SLC29A4: variants seen among roughly 807,000 people sequenced by gnomAD.
The protein encoded by SLC29A4 is equilibrative nucleoside transporter 4.
A neutral mutation model predicts 43.9 loss-of-function variants in SLC29A4; 36 were observed. The ratio of observed to expected loss-of-function variants is 0.82; its 90% CI spans 0.63 to 1.08. The LOEUF is 1.08. Ranked by LOEUF, SLC29A4 falls within the 50% of genes least tolerant of loss-of-function variation. The pLI, the probability that SLC29A4 is intolerant of heterozygous loss-of-function variation, is 0.00. For missense variants in SLC29A4, 869 were observed against 755.3 expected (o/e 1.15, Z -1.77); for synonymous variants, 491 against 338.0 (o/e 1.45, Z -4.97).
intron 4 of SLC29A4, among the ~76,000 whole-genome samples, 194 bp from the exon 5 acceptor site, chr7:5,291,499 C>T (rs1424719490): frequency 1.3e-5 from 2 of 152,258 alleles, no homozygotes; most frequent in Non-Finnish European, 2.9e-5. Flanking sequence ...CATCCAGCTT[C>T]AAGGCCCGGC....
At position 5,291,124 on chromosome 7, in the gene SLC29A4, G is replaced by A. The variant is rs1256190613; in HGVS notation, c.302G>A (p.Gly101Glu). Residue 101 changes from glycine to glutamate, a missense_variant and splice_region_variant, in exon 4 of 11, where the codon GGG becomes GAG. Gly to Glu is a moderately conservative substitution (Grantham distance 98). Transcript: ENST00000396872. ...DVDYLHHKYP[G>E]TSIVFDMSLT... ...ACCTGCTGTCTCTGGCCCTCTGCAGGGACCTCCATCGTGTTTGACATGAGC... is the reference window on the plus strand; with the variant it reads ...ACCTGCTGTCTCTGGCCCTCTGCAGAGACCTCCATCGTGTTTGACATGAGC... 6.2e-7 allele frequency: 1 copy of A among 1,613,676 alleles called. No individual in the cohort carries two copies. The highest frequency in any genetic ancestry group is 8.5e-7 in the Non-Finnish European group (1 of 1,179,958).
At chr7:5,289,870 C>A (rs1023157262) in intron 2 of SLC29A4, among the ~76,000 whole-genome samples, 1 of 152,026 alleles carries the variant, frequency 6.6e-6, no homozygotes, top group Non-Finnish European at 1.5e-5. Context: ...CACTCTTCTC[C>A]TTCCATATCC....
intron 5 of SLC29A4, among the ~76,000 whole-genome samples, chr7:5,294,137 C>T (rs1453970095): frequency 6.6e-6 from 1 of 151,982 alleles, no homozygotes; most frequent in Non-Finnish European, 1.5e-5. Flanking sequence ...GACAAGATCT[C>T]ACTTTGTAGT....
At chr7:5,285,440 G>A (rs1784887917) in intron 1 of SLC29A4, among the ~76,000 whole-genome samples, 1 of 152,252 alleles carries the variant, frequency 6.6e-6, no homozygotes, top group Non-Finnish European at 1.5e-5. Context: ...GCCCCCAGCT[G>A]TCAGGGGCTG....
At chr7:5,298,961 C>A (rs1436665423) in intron 7 of SLC29A4, 27 bp from the exon 8 acceptor site, 1 of 1,601,266 alleles carries the variant, frequency 6.2e-7, no homozygotes, top group Non-Finnish European at 8.5e-7. Context: ...TCCACTCCAA[C>A]CCCATCCCAC....
chr7:5,298,724 C>T (rs753433198), intron 7 of SLC29A4, among the ~76,000 whole-genome samples: 48 of 152,130 alleles, frequency 3.2e-4, no homozygotes, highest in Non-Finnish European at 5.4e-4. Context: ...TGCCTGAGCC[C>T]AGGAAGTTGA....
chr7:5,298,121 T>A (rs1406369232), intron 7 of SLC29A4, among the ~76,000 whole-genome samples: 1 of 152,002 alleles, frequency 6.6e-6, no homozygotes, highest in East Asian at 1.9e-4. Context: ...ACCAGAATGG[T>A]CATGCAGGCC....
rs757496111 is a variant in SLC29A4, at chr7:5,296,990, C to T, written c.674C>T (p.Pro225Leu). The T allele has an allele frequency of 3.1e-6, 5 of 1,603,474 alleles. No individual in the cohort carries two copies. In the South Asian group the frequency reaches 3.3e-5, roughly 11 times the overall value. Residue 225 changes from proline (P) to leucine (L), a missense_variant, in exon 7 of 11, where the codon CCC becomes CTC. Coordinates refer to ENST00000396872, the MANE Select transcript of SLC29A4 (RefSeq NM_153247.4). ...LSRILTKLLL[P>L]DERASTLIFF... is the part of the protein sequence containing the mutation. ...CGCATCCTCACGAAGCTGCTGCTGC[C>T]CGACGAGCGCGCCAGCACGCTCATC... is the stretch of plus-strand genomic sequence containing the variant.
Position 5,290,463 on chromosome 7 carries a change from C to G in SLC29A4, c.170-269C>G, listed in dbSNP as rs149239066. On this transcript the variant is annotated intron_variant, in intron 2 of 10. Transcript: ENST00000396872. Reference sequence around the variant, plus strand: ...CTGCCCGCCTTGGCCTCCCAGAGTGCTGGGATTACAGACGTGAGCTGGTTT... The same window carrying G: ...CTGCCCGCCTTGGCCTCCCAGAGTGGTGGGATTACAGACGTGAGCTGGTTT... Among the ~76,000 whole-genome samples the G allele has an allele frequency of 1.9e-3, 288 of 152,336 alleles. 2 individuals carry two copies. Among genetic ancestry groups the G allele is most frequent in the African/African-American group, 6.8e-3 (281 of 41,586 alleles).
intron 5 of SLC29A4, among the ~76,000 whole-genome samples, chr7:5,293,888 C>G (rs1300981242): frequency 6.6e-6 from 1 of 152,086 alleles, no homozygotes; most frequent in Admixed American, 6.6e-5. Flanking sequence ...GGACAGATCA[C>G]GAGGTCAGGA....
Position 5,291,811 on chromosome 7 carries a change from C to G in SLC29A4, c.534C>G (p.Phe178Leu). The change falls in exon 5 of 11, where the codon TTC (phenylalanine) becomes TTG (leucine). Residue 178 changes from phenylalanine (F) to leucine (L), a missense_variant. Transcript: ENST00000396872. ...INLAAVGTVAFGCTVQQSSFY... is the reference protein window; with the variant it reads ...INLAAVGTVALGCTVQQSSFY... The stretch of plus-strand genomic sequence containing the variant: ...TGGCCGCTGTGGGCACCGTGGCCTT[C>G]GGCTGCACAGGTAGGAACCGGGGCC... 1.2e-6 allele frequency: 2 copies of G among 1,611,708 alleles called. No homozygotes were observed. Among genetic ancestry groups the G allele is most frequent in the Non-Finnish European group, 1.7e-6 (2 of 1,179,652 alleles).
chr7:5,288,206 C>T (rs911923764), intron 2 of SLC29A4, among the ~76,000 whole-genome samples: 8 of 152,128 alleles, frequency 5.3e-5, no homozygotes, highest in Admixed American at 5.2e-4. Context: ...CTGCCGACAG[C>T]CCCAGGCAGA....
rs370434277 is a variant in SLC29A4, at chr7:5,291,245, G to A, written c.415+8G>A. 168 of 1,610,376 alleles carry A rather than the reference G, an allele frequency of 1.0e-4. No homozygotes were observed. Among genetic ancestry groups the A allele is most frequent in the Middle Eastern group, 2.1e-4 (1 of 4,808 alleles). On this transcript the variant is annotated splice_region_variant and intron_variant, in intron 4 of 10. Coordinates refer to ENST00000396872, the MANE Select transcript of SLC29A4 (RefSeq NM_153247.4). ...ACACCAGGATCACCGCAGGTGCGCT[G>A]GGCCCCGCCACGGGACACCTGCCTG...
Position 5,287,836 on chromosome 7 carries a change from A to C in SLC29A4, c.20A>C (p.Gln7Pro). 1 of 1,611,644 alleles carries C rather than the reference A, an allele frequency of 6.2e-7. No individual in the cohort carries two copies. The highest frequency in any genetic ancestry group is 8.5e-7 in the Non-Finnish European group (1 of 1,179,772). MGSVGSQRLEEPSVAGT... is the reference protein window; with the variant it reads MGSVGSPRLEEPSVAGT... The stretch of plus-strand genomic sequence containing the variant: ...GCTGCCATGGGCTCCGTGGGGAGCC[A>C]GCGCCTTGAGGAGCCCAGCGTGGCA... Residue 7 changes from glutamine (Q) to proline (P), a missense_variant, in exon 2 of 11, where the codon CAG (glutamine) becomes CCG (proline). Coordinates refer to ENST00000396872, the MANE Select transcript of SLC29A4 (RefSeq NM_153247.4).
At chr7:5,293,501 A>G (rs1160005306) in intron 5 of SLC29A4, among the ~76,000 whole-genome samples, 1 of 152,156 alleles carries the variant, frequency 6.6e-6, no homozygotes, top group Non-Finnish European at 1.5e-5. Context: ...CTTTTTGACC[A>G]TGACTTCCAG....
At chr7:5,297,487 G>A (rs1254100714) in intron 7 of SLC29A4, among the ~76,000 whole-genome samples, 2 of 152,232 alleles carry the variant, frequency 1.3e-5, no homozygotes, top group Non-Finnish European at 2.9e-5. Flanking sequence ...CATGGCCCCT[G>A]TCCTTAGTGA....
chr7:5,303,370 C>G lies in SLC29A4; in HGVS notation c.*431C>G, dbSNP rs1002052086. On this transcript the variant is annotated 3_prime_UTR_variant, in exon 11 of 11. Transcript: ENST00000396872. ...TGATCGGGGCACCGCCTGGCCCAGCCTCCACCAGGGACCCCTCCTCATGAA... is the reference window on the plus strand; with the variant it reads ...TGATCGGGGCACCGCCTGGCCCAGCGTCCACCAGGGACCCCTCCTCATGAA... 1.4e-5 allele frequency: 3 copies of G among 218,226 alleles called. No homozygotes were observed. Among genetic ancestry groups the G allele is most frequent in the Non-Finnish European group, 2.7e-5 (3 of 110,992 alleles). The allele number at this position is 218,226 out of a possible 1,614,324, so 13.5% of individuals were successfully genotyped here. A position where few individuals can be genotyped will look rare whatever the true frequency, so the allele number is the denominator to read the frequency against.
intron 1 of SLC29A4, among the ~76,000 whole-genome samples, chr7:5,283,550 G>A (rs1784782548): frequency 1.3e-5 from 2 of 152,170 alleles, no homozygotes; most frequent in African/African-American, 4.8e-5. Flanking sequence ...CGGCTGATGA[G>A]GCCGGACAGG....
At position 5,299,501 on chromosome 7, in the gene SLC29A4, G is replaced by A. The variant is rs185515202; in HGVS notation, c.1209+74G>A. Reference sequence around the variant, plus strand: ...TGACAAGGGAGGCCCTGGCCTATCCGGGAAGGGTTCTGAGTGAAGGATGCA... The same window carrying A: ...TGACAAGGGAGGCCCTGGCCTATCCAGGAAGGGTTCTGAGTGAAGGATGCA... On this transcript the variant is annotated intron_variant, in intron 9 of 10. Transcript: ENST00000396872. The A allele has an allele frequency of 8.3e-5, 124 of 1,486,820 alleles. No individual in the cohort carries two copies. In the East Asian group the frequency reaches 1.6e-3, roughly 19 times the overall value. The allele number at this position is 1,486,820 out of a possible 1,614,324, so 92.1% of individuals were successfully genotyped here.
Sources: gnomAD v4.1 joint callset for allele counts (sites outside exome capture counted in the v4.1 genomes callset) on GRCh38, gnomAD v4.1.1 for gene constraint, MANE v1.5 for transcripts, NCBI Gene and HGNC (gene_info 2026-07-23, HGNC 2026-07-21) for gene names.